The following TMTC2 variants were observed in gnomAD, a reference collection of about 807,000 sequenced individuals.
TMTC2 encodes the protein protein O-mannosyl-transferase TMTC2.
TMTC2 carries 43 observed loss-of-function variants against 82.4 expected under a neutral mutation model. That is an observed-to-expected ratio of 0.52 (90% CI 0.41 to 0.67). The LOEUF is 0.67. Ranked by LOEUF, TMTC2 falls within the 30% of genes least tolerant of loss-of-function variation. TMTC2 has a pLI of 0.00. For missense variants in TMTC2, 919 were observed against 1,012.4 expected, an observed-to-expected ratio of 0.91 and a Z score of 1.25; for synonymous variants, 408 against 381.9, an observed-to-expected ratio of 1.07 and a Z score of -0.80.
At chr12:82,781,977 T>G (rs1322370177) in intron 1 of TMTC2, among the ~76,000 whole-genome samples, 1 of 152,048 alleles carries the variant, frequency 6.6e-6, no homozygotes, top group African/African-American at 2.4e-5. Flanking sequence ...AAGACCACAT[T>G]GGTGGTCCTA....
intron 1 of TMTC2, chr12:82,690,362 G>A: frequency 1.0e-6 from 1 of 985,392 alleles, no homozygotes; most frequent in African/African-American, 1.7e-5. Flanking sequence ...AGAAGTGAAG[G>A]GAGAAGCACT....
At chr12:83,021,610 T>C (rs561224943) in intron 8 of TMTC2, among the ~76,000 whole-genome samples, 104 of 152,060 alleles carry the variant, frequency 6.8e-4, no homozygotes, top group African/African-American at 2.4e-3. Flanking sequence ...AAAATTTTTT[T>C]TTAATGTAGA....
intron 8 of TMTC2, among the ~76,000 whole-genome samples, chr12:83,005,226 G>A (rs1319033375): frequency 1.5e-3 from 9 of 6,146 alleles, no homozygotes; most frequent in African/African-American, 2.1e-3. Flanking sequence ...AAAAAAAAAG[G>A]GGAGAGAGAG....
At chr12:82,877,927 A>G (rs1487389723) in intron 2 of TMTC2, among the ~76,000 whole-genome samples, 4 of 152,180 alleles carry the variant, frequency 2.6e-5, no homozygotes, top group African/African-American at 9.7e-5. Flanking sequence ...TATCACCTAG[A>G]CATGTATACT....
At chr12:82,781,736 G>A (rs1441197816) in intron 1 of TMTC2, among the ~76,000 whole-genome samples, 2 of 148,180 alleles carry the variant, frequency 1.3e-5, no homozygotes, top group South Asian at 4.3e-4. Context: ...AAAGTGAAAG[G>A]CGGCTTAGAG....
At chr12:82,800,793 T>C (rs1407608051) in intron 1 of TMTC2, among the ~76,000 whole-genome samples, 1 of 152,142 alleles carries the variant, frequency 6.6e-6, no homozygotes, top group East Asian at 1.9e-4. Context: ...TCAAATCCTA[T>C]AGAAACACAT....
intron 8 of TMTC2, among the ~76,000 whole-genome samples, chr12:83,002,447 T>G (rs528225910): frequency 2.0e-5 from 3 of 152,148 alleles, no homozygotes; most frequent in Non-Finnish European, 4.4e-5. Context: ...GTGACTCAAT[T>G]TAGCTTTGTG....
chr12:82,830,354 C>T (rs1483107565), intron 1 of TMTC2, among the ~76,000 whole-genome samples: 3 of 151,882 alleles, frequency 2.0e-5, no homozygotes, highest in African/African-American at 7.3e-5. Context: ...CTCTCGGTGT[C>T]TCTGCAATGC....
chr12:83,077,236 C>A (rs1005438403), intron 11 of TMTC2, among the ~76,000 whole-genome samples: 14 of 152,290 alleles, frequency 9.2e-5, no homozygotes, highest in Non-Finnish European at 1.8e-4. Flanking sequence ...ACTTCCACTG[C>A]GGCAGCCATA....
chr12:82,734,980 C>T (rs2136945363), intron 1 of TMTC2, among the ~76,000 whole-genome samples: 1 of 152,204 alleles, frequency 6.6e-6, no homozygotes. Flanking sequence ...TCAAGAGAGC[C>T]CACGTGGTAT....
chr12:82,711,932 A>C (rs1873641663), intron 1 of TMTC2, among the ~76,000 whole-genome samples: 1 of 152,150 alleles, frequency 6.6e-6, no homozygotes, highest in African/African-American at 2.4e-5. Context: ...GAGAGAAGTG[A>C]ATTCTCCTCC....
At chr12:82,855,620 C>T (rs1871227905) in intron 1 of TMTC2, among the ~76,000 whole-genome samples, 2 of 152,164 alleles carry the variant, frequency 1.3e-5, no homozygotes, top group African/African-American at 2.4e-5. Flanking sequence ...GATAGGTTCA[C>T]TAGGGATACA....
intron 1 of TMTC2, among the ~76,000 whole-genome samples, chr12:82,817,420 A>C (rs1868807074): frequency 1.3e-5 from 2 of 152,098 alleles, no homozygotes. Context: ...TTCAGCCTAT[A>C]GTTCAGTTGT....
chr12:82,736,433 T>A (rs1875128711), intron 1 of TMTC2, among the ~76,000 whole-genome samples: 1 of 152,200 alleles, frequency 6.6e-6, no homozygotes, highest in South Asian at 2.1e-4. Flanking sequence ...GTAACACATC[T>A]GTCAGTTTTT....
intron 11 of TMTC2, among the ~76,000 whole-genome samples, chr12:83,081,918 G>A (rs1164395278): frequency 4.6e-5 from 7 of 151,768 alleles, no homozygotes. Context: ...GTAGTTAGAG[G>A]GTACAGTGAA....
chr12:82,714,657 C>T (rs974622318), intron 1 of TMTC2, among the ~76,000 whole-genome samples: 1 of 152,122 alleles, frequency 6.6e-6, no homozygotes, highest in African/African-American at 2.4e-5. Flanking sequence ...CATTTTCCTT[C>T]GCTTCCTCTC....
intron 11 of TMTC2, among the ~76,000 whole-genome samples, chr12:83,099,618 C>G (rs1251595087): frequency 6.6e-6 from 1 of 152,022 alleles, no homozygotes; most frequent in African/African-American, 2.4e-5. Flanking sequence ...ATGTTTATGT[C>G]TCCTGAGATG....
At chr12:82,809,699 T>G (rs1047046104) in intron 1 of TMTC2, among the ~76,000 whole-genome samples, 3 of 152,142 alleles carry the variant, frequency 2.0e-5, no homozygotes, top group Admixed American at 2.0e-4. Context: ...GCAGATTCTG[T>G]GTATGCAATA....
rs979568864 is a variant in TMTC2, at chr12:82,777,898, G to C, written c.84-79112G>C. On this transcript the variant is annotated intron_variant, in intron 1 of 11. Coordinates refer to ENST00000321196, the MANE Select transcript of TMTC2 (RefSeq NM_152588.3). ...CATTTTCTCTCTTTCTGCCTGCCCA[G>C]ATGCTTCCCTTTCTTCCAAGGCCCC... Among the ~76,000 whole-genome samples the C allele has an allele frequency of 3.9e-5, 6 of 151,974 alleles. No homozygotes were observed. In the South Asian group the frequency reaches 8.3e-4, roughly 21 times the overall value.
Sources: allele counts gnomAD v4.1 joint callset (sites outside exome capture counted in the v4.1 genomes callset), GRCh38; gene constraint gnomAD v4.1.1; transcripts MANE v1.5; gene names NCBI Gene and HGNC (gene_info 2026-07-23, HGNC 2026-07-21).